The following CLNK variants were observed in gnomAD, a reference collection of about 807,000 sequenced individuals.
CLNK encodes the protein cytokine-dependent hematopoietic cell linker.
In CLNK, 74 loss-of-function variants were observed where a neutral mutation model predicts 68.6. That is an observed-to-expected ratio of 1.08 (90% confidence interval 0.89 to 1.31). The LOEUF is 1.31. Ranked by LOEUF, CLNK falls within the 50% of genes most tolerant of loss-of-function variation. CLNK has a pLI of 0.00. For synonymous variants in CLNK, 198 were observed against 172.2 expected (o/e 1.15, Z -1.17); for missense variants, 553 against 515.3 (o/e 1.07, Z -0.71).
At chr4:10,495,811 G>C (rs1206526451) in intron 18 of CLNK, among the ~76,000 whole-genome samples, 1 of 138,170 alleles carries the variant, frequency 7.2e-6, no homozygotes, top group Non-Finnish European at 1.6e-5. Flanking sequence ...ATGAGGAGAA[G>C]GTCACGTGAC....
chr4:10,712,820 C>T, the CLNK span, among the ~76,000 whole-genome samples: 1 of 152,224 alleles, frequency 6.6e-6, no homozygotes, highest in Non-Finnish European at 1.5e-5. Context: ...TCAGAGTTTA[C>T]ATTCTTGTGG....
chr4:10,503,128 G>A (rs1361899701), intron 17 of CLNK, among the ~76,000 whole-genome samples: 1 of 152,166 alleles, frequency 6.6e-6, no homozygotes, highest in African/African-American at 2.4e-5. Flanking sequence ...AAATCTGTAA[G>A]TGTAATTGTG....
chr4:10,546,552 A>G (rs1237589384), intron 8 of CLNK, among the ~76,000 whole-genome samples: 2 of 152,178 alleles, frequency 1.3e-5, no homozygotes, highest in Admixed American at 6.5e-5. Flanking sequence ...ACAACCACCT[A>G]TCTAATCACT....
At chr4:10,574,543 C>T (rs1040428885) in intron 4 of CLNK, among the ~76,000 whole-genome samples, 1 of 152,182 alleles carries the variant, frequency 6.6e-6, no homozygotes, top group African/African-American at 2.4e-5. Flanking sequence ...TAGCCGGAAA[C>T]CACCTCTGCC....
At chr4:10,588,042 G>A (rs186043088) in intron 3 of CLNK, among the ~76,000 whole-genome samples, 1 of 152,212 alleles carries the variant, frequency 6.6e-6, no homozygotes, top group East Asian at 1.9e-4. Flanking sequence ...CTGATGTCTT[G>A]GTCTTTGATT....
chr4:10,572,082 GAGA>G (rs1313724377), intron 4 of CLNK, among the ~76,000 whole-genome samples: 1 of 152,306 alleles, frequency 6.6e-6, no homozygotes, highest in South Asian at 2.1e-4. Context: ...AACATAATAT[GAGA>G]AGATCTCTCA....
chr4:10,726,139 C>CGTGGCTTCTG, the CLNK span, among the ~76,000 whole-genome samples: 1 of 152,060 alleles, frequency 6.6e-6, no homozygotes, highest in African/African-American at 2.4e-5. Context: ...CTAGCATCAC[C>CGTGGCTTCTG]CTAGACCCCC....
chr4:10,650,888 A>T (rs909192340), intron 2 of CLNK, among the ~76,000 whole-genome samples: 5 of 152,214 alleles, frequency 3.3e-5, no homozygotes, highest in African/African-American at 1.2e-4. Flanking sequence ...AAAAGTAGGT[A>T]AAGGATATGA....
At chr4:10,551,855 T>G (rs1374444862) in intron 8 of CLNK, among the ~76,000 whole-genome samples, 1 of 151,630 alleles carries the variant, frequency 6.6e-6, no homozygotes, top group African/African-American at 2.4e-5. Flanking sequence ...GTAATTTTTT[T>G]TTTTTTTTTT....
At chr4:10,493,935 G>T (rs1716700454) in intron 18 of CLNK, among the ~76,000 whole-genome samples, 1 of 152,214 alleles carries the variant, frequency 6.6e-6, no homozygotes, top group Admixed American at 6.5e-5. Context: ...TGATGCATAT[G>T]CAGTACAGCA....
At chr4:10,556,509 A>G (rs571937618) in intron 8 of CLNK, among the ~76,000 whole-genome samples, 1 of 152,318 alleles carries the variant, frequency 6.6e-6, no homozygotes, top group South Asian at 2.1e-4. Flanking sequence ...GGTCGAAGAA[A>G]TTTCTGCAGC....
intron 11 of CLNK, among the ~76,000 whole-genome samples, chr4:10,539,455 G>T (rs973390388): frequency 1.3e-5 from 2 of 152,158 alleles, no homozygotes; most frequent in African/African-American, 4.8e-5. Flanking sequence ...ACTAAATAAT[G>T]CCTGTGCCCC....
At chr4:10,699,310 C>CACACCACGTATGT in the CLNK span, among the ~76,000 whole-genome samples, 1 of 34,390 alleles carries the variant, frequency 2.9e-5, no homozygotes, top group African/African-American at 9.4e-5. Context: ...ACACCACATA[C>CACACCACGTATGT]GTGTATACAC....
At chr4:10,724,028 C>A in the CLNK span, among the ~76,000 whole-genome samples, 1 of 151,998 alleles carries the variant, frequency 6.6e-6, no homozygotes, top group Non-Finnish European at 1.5e-5. Context: ...TTGTCAAGAG[C>A]ATAAGATGCT....
At chr4:10,509,095 G>A (rs1038042450) in intron 16 of CLNK, among the ~76,000 whole-genome samples, 3 of 98,116 alleles carry the variant, frequency 3.1e-5, no homozygotes, top group Admixed American at 3.1e-4. Context: ...GACAGAGTGA[G>A]ACTCGGTCTC....
intron 2 of CLNK, among the ~76,000 whole-genome samples, chr4:10,663,137 A>G (rs1441205058): frequency 6.6e-6 from 1 of 152,220 alleles, no homozygotes; most frequent in Admixed American, 6.5e-5. Flanking sequence ...ATGAAGAGGT[A>G]CTGGAAACCA....
intron 2 of CLNK, among the ~76,000 whole-genome samples, chr4:10,625,518 T>A (rs1722633459): frequency 6.6e-6 from 1 of 152,024 alleles, no homozygotes; most frequent in Non-Finnish European, 1.5e-5. Context: ...ACTACAGGCG[T>A]GTGCAGGTGC....
At chr4:10,724,409 C>G in the CLNK span, among the ~76,000 whole-genome samples, 1 of 152,040 alleles carries the variant, frequency 6.6e-6, no homozygotes, top group African/African-American at 2.4e-5. Flanking sequence ...CCTTCTCTAC[C>G]TTTTCCTGTT....
At chr4:10,617,140 G>C (rs932495370) in intron 2 of CLNK, among the ~76,000 whole-genome samples, 8 of 151,946 alleles carry the variant, frequency 5.3e-5, no homozygotes, top group Non-Finnish European at 7.4e-5. Context: ...CAACACAAAA[G>C]AAACAAAAAT....
Sources: gnomAD v4.1 joint callset for allele counts (sites outside exome capture counted in the v4.1 genomes callset) on GRCh38, gnomAD v4.1.1 for gene constraint, MANE v1.5 for transcripts, NCBI Gene and HGNC (gene_info 2026-07-23, HGNC 2026-07-21) for gene names.